The following TBXAS1 variants were observed in gnomAD, a reference collection of about 807,000 sequenced individuals.
TBXAS1 encodes the protein thromboxane A synthase 1.
In TBXAS1, 48 loss-of-function variants were observed where a neutral mutation model predicts 60.7. The observed-to-expected ratio is 0.79, with a 90% confidence interval of 0.63 to 1.01. TBXAS1 has a LOEUF of 1.01. Ranked by LOEUF, TBXAS1 falls within the 50% of genes least tolerant of loss-of-function variation. The pLI, the probability that TBXAS1 is intolerant of heterozygous loss-of-function variation, is 0.00. For synonymous variants in TBXAS1, 287 were observed against 269.7 expected, an observed-to-expected ratio of 1.06 and a Z score of -0.63; for missense variants, 685 against 686.3, an observed-to-expected ratio of 1.00 and a Z score of 0.02.
intron 9 of TBXAS1, among the ~76,000 whole-genome samples, chr7:139,977,143 C>A (rs1203249562): frequency 1.3e-5 from 2 of 152,146 alleles, no homozygotes; most frequent in Non-Finnish European, 2.9e-5. Flanking sequence ...GTCTATGCAT[C>A]GACTCTAGGA....
intron 4 of TBXAS1, among the ~76,000 whole-genome samples, chr7:139,817,299 T>G (rs1201342602): frequency 6.6e-6 from 1 of 151,910 alleles, no homozygotes; most frequent in Non-Finnish European, 1.5e-5. Context: ...GCTTGACACA[T>G]GCACGCTGCC....
chr7:139,838,970 TGGA>T (rs1799248935), intron 1 of TBXAS1, among the ~76,000 whole-genome samples: 1 of 152,360 alleles, frequency 6.6e-6, no homozygotes, highest in African/African-American at 2.4e-5. Context: ...TTCTTACTTC[TGGA>T]GGAGATTTGA....
At chr7:139,935,599 T>C (rs1807688873) in intron 4 of TBXAS1, among the ~76,000 whole-genome samples, 1 of 152,106 alleles carries the variant, frequency 6.6e-6, no homozygotes, top group African/African-American at 2.4e-5. Context: ...GTTTGCTGAC[T>C]GAGAAAAAAA....
At chr7:140,009,597 AC>A (rs1461892146) in intron 10 of TBXAS1, among the ~76,000 whole-genome samples, 2 of 3,748 alleles carry the variant, frequency 5.3e-4, no homozygotes, top group South Asian at 8.2e-3. Context: ...CCCCACACCC[AC>A]CCCACACCTG....
chr7:139,974,784 T>C (rs555812730), intron 9 of TBXAS1, among the ~76,000 whole-genome samples: 13 of 152,306 alleles, frequency 8.5e-5, no homozygotes, highest in African/African-American at 3.1e-4. Context: ...TCCACTGTTA[T>C]TGATGATGAT....
At chr7:140,019,653 A>G (rs536485493) in intron 12 of TBXAS1, among the ~76,000 whole-genome samples, 2 of 152,342 alleles carry the variant, frequency 1.3e-5, no homozygotes, top group East Asian at 3.9e-4. Context: ...TCCTCGAGTA[A>G]TTCTTTGGTT....
chr7:139,912,029 G>A (rs892590231), intron 4 of TBXAS1, among the ~76,000 whole-genome samples: 4 of 152,266 alleles, frequency 2.6e-5, no homozygotes, highest in East Asian at 1.9e-4. Context: ...TCAGGAGTTC[G>A]AGACCAGCCT....
chr7:139,964,488 T>C (rs1810627721), intron 9 of TBXAS1, among the ~76,000 whole-genome samples: 1 of 152,178 alleles, frequency 6.6e-6, no homozygotes. Context: ...TCAAGTCACA[T>C]GACTGAGAAC....
chr7:139,897,406 A>G (rs978486170), intron 3 of TBXAS1, among the ~76,000 whole-genome samples: 1 of 152,122 alleles, frequency 6.6e-6, no homozygotes, highest in Non-Finnish European at 1.5e-5. Flanking sequence ...CAAGGCAGGG[A>G]GCAGGGTGTG....
intron 7 of TBXAS1, among the ~76,000 whole-genome samples, chr7:139,957,346 A>T (rs111548359): frequency 3.9e-4 from 59 of 152,342 alleles, no homozygotes; most frequent in African/African-American, 1.3e-3. Flanking sequence ...GACCTGAAAC[A>T]TTAATTTATG....
chr7:140,017,569 G>A, intron 11 of TBXAS1, 102 bp from the exon 12 acceptor site: 1 of 1,500,646 alleles, frequency 6.7e-7, no homozygotes, highest in South Asian at 1.2e-5. Flanking sequence ...GAGCCTTGGA[G>A]ACATCCTTGT....
chr7:139,851,690 C>T (rs1039581629), intron 1 of TBXAS1, among the ~76,000 whole-genome samples: 3 of 152,272 alleles, frequency 2.0e-5, no homozygotes, highest in East Asian at 1.9e-4. Context: ...GAGGAAATAG[C>T]TTACAGATTT....
intron 3 of TBXAS1, among the ~76,000 whole-genome samples, chr7:139,877,270 G>A (rs1320669898): frequency 6.6e-6 from 1 of 152,120 alleles, no homozygotes; most frequent in Non-Finnish European, 1.5e-5. Flanking sequence ...TTTCAACTTG[G>A]CCTTCACTTA....
intron 7 of TBXAS1, among the ~76,000 whole-genome samples, 161 bp downstream of exon 7, chr7:139,955,768 C>T (rs1179422573): frequency 6.6e-6 from 1 of 152,196 alleles, no homozygotes; most frequent in Non-Finnish European, 1.5e-5. Flanking sequence ...CCGGGTTCCT[C>T]TTGTCACCCG....
intron 5 of TBXAS1, among the ~76,000 whole-genome samples, chr7:139,947,324 G>A (rs1297906138): frequency 2.0e-5 from 3 of 152,094 alleles, no homozygotes; most frequent in East Asian, 1.9e-4. Flanking sequence ...ACAGAAAACC[G>A]AACACCACAT....
At chr7:139,984,816 AAAG>A (rs564283120) in intron 9 of TBXAS1, among the ~76,000 whole-genome samples, 51 of 149,938 alleles carry the variant, frequency 3.4e-4, no homozygotes, top group Admixed American at 5.9e-4. Flanking sequence ...GAAAGAAAGA[AAAG>A]AAGAAGAAAG....
intron 1 of TBXAS1, among the ~76,000 whole-genome samples, chr7:139,833,569 C>T (rs1798857357): frequency 6.7e-6 from 1 of 149,774 alleles, no homozygotes; most frequent in African/African-American, 2.5e-5. Flanking sequence ...CCTGTAGTCC[C>T]AGCTACTTGG....
chr7:140,007,924 C>T (rs949142536), intron 10 of TBXAS1, among the ~76,000 whole-genome samples: 4 of 152,222 alleles, frequency 2.6e-5, no homozygotes, highest in South Asian at 4.1e-4. Context: ...AACTATTGTG[C>T]TTCGTTCAAA....
At chr7:139,913,405 C>T (rs1805696862) in intron 4 of TBXAS1, 1 of 474,492 alleles carries the variant, frequency 2.1e-6, no homozygotes, top group Non-Finnish European at 3.9e-6. Flanking sequence ...TCCTGGCAAG[C>T]AGTAAAGGTA....
Sources: allele counts gnomAD v4.1 joint callset (sites outside exome capture counted in the v4.1 genomes callset), GRCh38; gene constraint gnomAD v4.1.1; transcripts MANE v1.5; gene names NCBI Gene and HGNC (gene_info 2026-07-23, HGNC 2026-07-21).